PCDHA9: variants seen among roughly 807,000 people sequenced by gnomAD.
PCDHA9 encodes protocadherin alpha 9.
A neutral mutation model predicts 62.0 loss-of-function variants in PCDHA9; 62 were observed. That is an observed-to-expected ratio of 1.00 (90% confidence interval 0.81 to 1.23). The LOEUF (loss-of-function observed/expected upper bound fraction) is 1.23. PCDHA9 is among the 50% of genes most tolerant of loss of function. The probability of loss-of-function intolerance (pLI) is 0.00; values close to 1 mark genes in which losing one functional copy is unlikely to be tolerated. For missense variants in PCDHA9, 1,205 were observed against 1,249.8 expected (o/e 0.96, Z 0.54); for synonymous variants, 557 against 567.6 (o/e 0.98, Z 0.27).
intron 1 of PCDHA9, among the ~76,000 whole-genome samples, chr5:140,902,712 C>T (rs1207971068): frequency 6.6e-6 from 1 of 152,008 alleles, no homozygotes; most frequent in African/African-American, 2.4e-5. Flanking sequence ...CTTTCACTCC[C>T]CTCCCACCCT....
intron 1 of PCDHA9, chr5:140,968,772 C>T (rs782257554): frequency 1.2e-6 from 2 of 1,614,180 alleles, no homozygotes; most frequent in South Asian, 1.1e-5. Context: ...GGAGAGCCAT[C>T]ACTATCAGCC....
At chr5:140,913,160 G>T (rs1437493261) in intron 1 of PCDHA9, among the ~76,000 whole-genome samples, 4 of 152,156 alleles carry the variant, frequency 2.6e-5, no homozygotes, top group African/African-American at 9.7e-5. Flanking sequence ...AGTAGGATTG[G>T]TATTAGTTCT....
chr5:140,853,607 T>C, intron 1 of PCDHA9: 1 of 987,062 alleles, frequency 1.0e-6, no homozygotes, highest in Non-Finnish European at 1.2e-6. Context: ...GCAAAGGGGG[T>C]GCTGTAAATA....
chr5:140,861,341 A>C (rs1554154533), intron 1 of PCDHA9: 1 of 280,406 alleles, frequency 3.6e-6, no homozygotes, highest in African/African-American at 2.2e-5. Context: ...GGAAGAGGCC[A>C]AGGACGGCAC....
chr5:140,980,102 C>A (rs782586995), intron 2 of PCDHA9, among the ~76,000 whole-genome samples: 1 of 152,192 alleles, frequency 6.6e-6, no homozygotes, highest in Non-Finnish European at 1.5e-5. Flanking sequence ...GGTAAGATGT[C>A]ACATTGGAAC....
At chr5:140,950,458 A>G (rs568340492) in intron 1 of PCDHA9, among the ~76,000 whole-genome samples, 5 of 152,142 alleles carry the variant, frequency 3.3e-5, no homozygotes, top group Admixed American at 2.6e-4. Flanking sequence ...CTGTCTTCTA[A>G]TGCTCATAGT....
chr5:140,925,762 T>G (rs1172229426), intron 1 of PCDHA9, among the ~76,000 whole-genome samples: 3 of 152,052 alleles, frequency 2.0e-5, no homozygotes, highest in African/African-American at 7.2e-5. Flanking sequence ...ACAGAGTAGT[T>G]TCCTGGTCAA....
At chr5:140,856,855 T>C in intron 1 of PCDHA9, 3 of 1,594,310 alleles carry the variant, frequency 1.9e-6, no homozygotes, top group Middle Eastern at 1.7e-4. Context: ...CTGATTCGGA[T>C]GAAGGAATAA....
rs2045073152 is a variant in PCDHA9 at position 140,857,980 on chromosome 5, G to T, written c.2394+7091G>T. ...TGGATGAGACTGACTCGCCACGCCA[G>T]CGCCTACTGGTGCTGGTGAAGGACC... On this transcript the variant is annotated intron_variant, in intron 1 of 3. Coordinates refer to ENST00000532602, the MANE Select transcript of PCDHA9 (RefSeq NM_031857.2). The T allele has an allele frequency of 1.3e-6, 2 of 1,597,100 alleles. 1 individual carries two copies. Among genetic ancestry groups the T allele is most frequent in the Non-Finnish European group, 1.7e-6 (2 of 1,167,294 alleles).
chr5:140,858,459 TC>T, intron 1 of PCDHA9: 5 of 1,527,032 alleles, frequency 3.3e-6, no homozygotes, highest in Non-Finnish European at 4.4e-6. Context: ...GTTTTCATTT[TC>T]CTTTTGTGCT....
intron 1 of PCDHA9, chr5:140,870,238 G>A: frequency 6.2e-7 from 1 of 1,614,162 alleles, no homozygotes; most frequent in Non-Finnish European, 8.5e-7. Context: ...CCGTGACTCA[G>A]GTGTCAACGG....
chr5:140,857,375 G>C, intron 1 of PCDHA9: 1 of 1,598,360 alleles, frequency 6.3e-7, no homozygotes. Flanking sequence ...CGTGTCTGTG[G>C]AGGTGGCCGA....
At chr5:140,931,547 T>C (rs2087587732) in intron 1 of PCDHA9, among the ~76,000 whole-genome samples, 1 of 152,064 alleles carries the variant, frequency 6.6e-6, no homozygotes, top group Admixed American at 6.5e-5. Flanking sequence ...ACTGTTCATA[T>C]GTGCAGGAAT....
intron 1 of PCDHA9, chr5:140,969,045 C>G: frequency 1.2e-6 from 2 of 1,614,090 alleles, no homozygotes. Flanking sequence ...TACAAACAAG[C>G]CAACAACAAT....
intron 1 of PCDHA9, chr5:140,862,483 G>A (rs1433222220): frequency 1.6e-5 from 6 of 382,112 alleles, no homozygotes; most frequent in Non-Finnish European, 2.6e-5. Context: ...ATCCATTGTT[G>A]GTAATCGCTC....
chr5:140,958,872 G>T (rs993434831), intron 1 of PCDHA9, among the ~76,000 whole-genome samples: 1 of 151,970 alleles, frequency 6.6e-6, no homozygotes, highest in Non-Finnish European at 1.5e-5. Context: ...GTTTATAAAA[G>T]AATTGACCAG....
chr5:140,931,086 A>G (rs2087290662), intron 1 of PCDHA9, among the ~76,000 whole-genome samples: 1 of 152,204 alleles, frequency 6.6e-6, no homozygotes, highest in Non-Finnish European at 1.5e-5. Context: ...CCAGTTCTAC[A>G]GATGACAAAG....
chr5:140,876,180 T>C (rs782772220), intron 1 of PCDHA9: 1 of 1,613,982 alleles, frequency 6.2e-7, no homozygotes, highest in South Asian at 1.1e-5. Context: ...TGGATGTGAA[T>C]GACAATGGTC....
Position 140,967,580 on chromosome 5 carries a change from C to T in PCDHA9, c.2395-11369C>T, listed in dbSNP as rs201304400. 42 of 1,614,122 alleles carry T rather than the reference C, an allele frequency of 2.6e-5. No homozygotes were observed. The East Asian group carries it at 4.7e-4, about 18-fold the overall frequency. ...CGTCCAGCTACGGGAGGACTCACCC[C>T]CAGGCACATTGGTGGTGAAGCTGAA... On this transcript the variant is annotated intron_variant, in intron 1 of 3. Transcript: ENST00000532602.
Sources: allele counts gnomAD v4.1 joint callset (sites outside exome capture counted in the v4.1 genomes callset), GRCh38; gene constraint gnomAD v4.1.1; transcripts MANE v1.5; gene names NCBI Gene and HGNC (gene_info 2026-07-23, HGNC 2026-07-21).